ALB: variants seen among roughly 807,000 people sequenced by gnomAD.
ALB encodes albumin.
In ALB, 37 loss-of-function variants were observed where a neutral mutation model predicts 74.5. The observed-to-expected ratio is 0.50, with a 90% confidence interval of 0.38 to 0.65. The LOEUF (loss-of-function observed/expected upper bound fraction) is 0.65, where lower values mean the gene tolerates loss of function less well. Among genes scored for constraint, ALB ranks in the 30% least tolerant of loss-of-function variants. The pLI, the probability that ALB is intolerant of heterozygous loss-of-function variation, is 0.00. For missense variants in ALB, 685 were observed against 718.7 expected, an observed-to-expected ratio of 0.95 and a Z score of 0.54; for synonymous variants, 249 against 251.6, an observed-to-expected ratio of 0.99 and a Z score of 0.10.
At position 73,419,523 on chromosome 4, in the gene ALB, G is replaced by C. The variant is rs78284052; in HGVS notation, c.1669G>C (p.Val557Leu). Residue 557 changes from valine to leucine, a missense_variant, in exon 13 of 15, where the codon GTG (valine) becomes CTG (leucine). Coordinates refer to ENST00000295897, the MANE Select transcript of ALB (RefSeq NM_000477.7). ...IKKQTALVEL[V>L]KHKPKATKEQ... ...CAAACTCAGTGCACTTGTTGAGCTCGTGAAACACAAGCCCAAGGCAACAAA... is the reference window on the plus strand; with the variant it reads ...CAAACTCAGTGCACTTGTTGAGCTCCTGAAACACAAGCCCAAGGCAACAAA... The C allele has an allele frequency of 8.1e-6, 13 of 1,610,426 alleles. No individual in the cohort carries two copies. The highest frequency in any genetic ancestry group is 1.1e-5 in the Non-Finnish European group (13 of 1,178,466).
At position 73,419,493 on chromosome 4, in the gene ALB, C is replaced by A. The variant is rs1354123004; in HGVS notation, c.1653-14C>A. On this transcript the variant is annotated splice_polypyrimidine_tract_variant and intron_variant, in intron 12 of 14. Transcript: ENST00000295897. ...TTTTCTGTTTTTTTTTTTTCTTTTT[C>A]CATTCAAACTCAGTGCACTTGTTGA... The A allele has an allele frequency of 1.3e-6, 2 of 1,579,484 alleles. No individual in the cohort carries two copies. Among genetic ancestry groups the A allele is most frequent in the East Asian group, 2.3e-5 (1 of 43,990 alleles).
chr4:73,419,480 T>A (rs1357864329), intron 12 of ALB, 27 bp from the exon 13 acceptor site: 5 of 1,603,800 alleles, frequency 3.1e-6, no homozygotes, highest in Non-Finnish European at 4.3e-6. Context: ...TTCTGTTTTT[T>A]TTTTTTCTTT....
rs1445247433 is a variant in ALB, at chr4:73,405,120, G to C, written c.84G>C (p.Lys28Asn). 3 of 1,613,736 alleles carry C rather than the reference G, an allele frequency of 1.9e-6. No homozygotes were observed. Among genetic ancestry groups the C allele is most frequent in the Middle Eastern group, 1.7e-4 (1 of 6,058 alleles). The change falls in exon 2 of 15, where the codon AAG becomes AAC. Residue 28 changes from lysine to asparagine, a missense_variant. By Grantham distance (94) the Lys-to-Asn change is moderately conservative. Coordinates refer to ENST00000295897, the MANE Select transcript of ALB (RefSeq NM_000477.7). ...SRGVFRRDAH[K>N]SEVAHRFKDL... ...TTTTTTTCTTCCCTTGCCCAGACAAGAGTGAGGTTGCTCATCGGTTTAAAG... is the reference window on the plus strand; with the variant it reads ...TTTTTTTCTTCCCTTGCCCAGACAACAGTGAGGTTGCTCATCGGTTTAAAG...
chr4:73,406,891 C>T (rs932880975), intron 3 of ALB, 130 bp downstream of exon 3: 2 of 1,036,286 alleles, frequency 1.9e-6, no homozygotes, highest in Admixed American at 4.8e-5. Flanking sequence ...TAAAAAGTTG[C>T]TCATAGACTG....
chr4:73,419,619 G>C lies in ALB; in HGVS notation c.1765G>C (p.Glu589Gln). 1 of 1,614,044 alleles carries C rather than the reference G, an allele frequency of 6.2e-7. No individual in the cohort carries two copies. The highest frequency in any genetic ancestry group is 8.5e-7 in the Non-Finnish European group (1 of 1,179,954). The change falls in exon 13 of 15, where the codon GAG becomes CAG. Residue 589 changes from glutamate (E) to glutamine (Q), a missense_variant. Transcript: ENST00000295897. The part of the protein sequence containing the change: ...VEKCCKADDK[E>Q]TCFAEEGKKL... ...GAAGTGCTGCAAGGCTGACGATAAG[G>C]AGACCTGCTTTGCCGAGGAGGTACT...
intron 13 of ALB, 99 bp downstream of exon 13, chr4:73,419,738 C>T (rs1577942744): frequency 2.1e-6 from 3 of 1,396,856 alleles, no homozygotes; most frequent in Admixed American, 1.8e-5. Context: ...AGGCTTTGTA[C>T]ATGTGGGACA....
intron 12 of ALB, 58 bp from the exon 13 acceptor site, chr4:73,419,449 T>G: frequency 6.5e-7 from 1 of 1,545,884 alleles, no homozygotes; most frequent in Non-Finnish European, 8.8e-7. Context: ...TCTCCATTTT[T>G]CTATACGTGA....
At chr4:73,409,652 A>T (rs781175418) in intron 5 of ALB, among the ~76,000 whole-genome samples, 165 bp downstream of exon 5, 1 of 151,852 alleles carries the variant, frequency 6.6e-6, no homozygotes, top group African/African-American at 2.4e-5. Flanking sequence ...GAAGGCCTAC[A>T]CTCTCGTTTC....
intron 2 of ALB, among the ~76,000 whole-genome samples, chr4:73,405,708 A>G (rs1577934393): frequency 6.6e-6 from 1 of 151,552 alleles, no homozygotes; most frequent in East Asian, 1.9e-4. Flanking sequence ...CTCCTGCCTC[A>G]GCCTCCCGAG....
Position 73,416,433 on chromosome 4 carries a change from A to C in ALB, c.1289+80A>C, listed in dbSNP as rs369628736. On this transcript the variant is annotated intron_variant, in intron 10 of 14. Coordinates refer to ENST00000295897, the MANE Select transcript of ALB (RefSeq NM_000477.7). ...TAATATATGAGCCACCTAGCATAGA[A>C]CTTTTAAGAATGAAAATACATTGCA... 708 of 997,890 alleles carry C rather than the reference A, an allele frequency of 7.1e-4. 12 individuals are homozygous for C. In the South Asian group the frequency reaches 8.9e-3, roughly 12 times the overall value. 61.8% of individuals were successfully genotyped at this position (997,890 alleles called of 1,614,324 possible). A position where few individuals can be genotyped will look rare whatever the true frequency, so the allele number is the denominator to read the frequency against.
rs1718808335 is a variant in ALB at position 73,409,259 on chromosome 4, T to C, written c.483-96T>C. ...GCTTAATTGGTTAATTAGATATCTT[T>C]GGAATTTGGAGGTTCTGGGGAGAAT... On this transcript the variant is annotated intron_variant, in intron 4 of 14. Transcript: ENST00000295897. The C allele has an allele frequency of 3.7e-6, 5 of 1,344,610 alleles. No homozygotes were observed. In the East Asian group the frequency reaches 9.3e-5, roughly 25 times the overall value. The allele number at this position is 1,344,610 out of a possible 1,614,324, so 83.3% of individuals were successfully genotyped here.
intron 1 of ALB, 108 bp downstream of exon 1, chr4:73,404,514 A>G: frequency 1.1e-6 from 1 of 941,146 alleles, no homozygotes; most frequent in Non-Finnish European, 1.7e-6. Context: ...TTTATTTCTA[A>G]AATGGCATAG....
intron 8 of ALB, among the ~76,000 whole-genome samples, chr4:73,414,365 A>T (rs1718961626): frequency 6.6e-6 from 1 of 152,224 alleles, no homozygotes; most frequent in Non-Finnish European, 1.5e-5. Flanking sequence ...TGTTAATAAA[A>T]ATAACAAGTA....
chr4:73,419,411 T>G (rs1719091228), intron 12 of ALB, 96 bp from the exon 13 acceptor site: 2 of 1,384,666 alleles, frequency 1.4e-6, no homozygotes. Context: ...ATTTATAATC[T>G]TAAATGATGG....
chr4:73,414,154 A>G (rs1577939339), intron 8 of ALB, among the ~76,000 whole-genome samples: 1 of 152,208 alleles, frequency 6.6e-6, no homozygotes, highest in Admixed American at 6.5e-5. Flanking sequence ...TACAAAATAA[A>G]TGTTTACATA....
intron 5 of ALB, 72 bp from the exon 6 acceptor site, chr4:73,410,240 A>T (rs1233259727): frequency 2.5e-6 from 3 of 1,185,628 alleles, no homozygotes; most frequent in Non-Finnish European, 3.8e-6. Flanking sequence ...GCACAGTCTC[A>T]TCTGAGCTTA....
chr4:73,407,238 G>C (rs557928616), intron 3 of ALB, among the ~76,000 whole-genome samples: 2 of 151,984 alleles, frequency 1.3e-5, no homozygotes, highest in Non-Finnish European at 2.9e-5. Flanking sequence ...TTAAAACTTT[G>C]TGCCCATTGA....
rs1234423694 is a variant in ALB, at chr4:73,413,491, A to T, written c.915A>T (p.Lys305Asn). The T allele has an allele frequency of 3.7e-6, 6 of 1,613,760 alleles. No individual in the cohort carries two copies. The highest frequency in any genetic ancestry group is 4.2e-6 in the Non-Finnish European group (5 of 1,179,952). The part of the protein sequence containing the change: ...ISSKLKECCE[K>N]PLLEKSHCIA... ...GTAAACTGAAGGAATGCTGTGAAAA[A>T]CCTCTGTTGGAAAAATCCCACTGCA... The change falls in exon 8 of 15, where the codon AAA becomes AAT. Residue 305 changes from lysine to asparagine, a missense_variant. Transcript: ENST00000295897.
Position 73,404,967 on chromosome 4 carries a change from T to A in ALB, c.80-149T>A, listed in dbSNP as rs765918152. The A allele has an allele frequency of 1.3e-5, 9 of 691,770 alleles. No homozygotes were observed. In the East Asian group the frequency reaches 2.2e-4, roughly 17 times the overall value. 42.9% of individuals were successfully genotyped at this position (691,770 alleles called of 1,614,324 possible). A position where few individuals can be genotyped will look rare whatever the true frequency, so the allele number is the denominator to read the frequency against. ...TAAAGGCAGAAGAAATAATTGAACA[T>A]CATCCTGAGTTTTTCTGTAGGAATC... On this transcript the variant is annotated intron_variant, in intron 1 of 14. Coordinates refer to ENST00000295897, the MANE Select transcript of ALB (RefSeq NM_000477.7).
Sources: allele counts gnomAD v4.1 joint callset (sites outside exome capture counted in the v4.1 genomes callset), GRCh38; gene constraint gnomAD v4.1.1; transcripts MANE v1.5; gene names NCBI Gene and HGNC (gene_info 2026-07-23, HGNC 2026-07-21).